Variants in PATJ observed in about 807,000 individuals in gnomAD.
The protein encoded by PATJ is inaD-like protein.
In PATJ, 190 loss-of-function variants were observed where a neutral mutation model predicts 224.9. The observed-to-expected ratio is 0.84, with a 90% CI of 0.75 to 0.95. The LOEUF is 0.95. Ranked by LOEUF, PATJ falls within the 40% of genes least tolerant of loss-of-function variation. The pLI is 0.00. For synonymous variants in PATJ, 769 were observed against 820.3 expected, an observed-to-expected ratio of 0.94 and a Z score of 1.07; for missense variants, 2,121 against 2,270.3, an observed-to-expected ratio of 0.93 and a Z score of 1.34.
At chr1:62,125,018 G>A (rs1191523509) in intron 39 of PATJ, among the ~76,000 whole-genome samples, 1 of 151,886 alleles carries the variant, frequency 6.6e-6, no homozygotes, top group Non-Finnish European at 1.5e-5. Flanking sequence ...CTGAGCCCAG[G>A]AGTTTGAGAC....
At chr1:62,144,777 A>AAAAAAAATATAT (rs377489788) in intron 41 of PATJ, among the ~76,000 whole-genome samples, 1 of 119,102 alleles carries the variant, frequency 8.4e-6, no homozygotes, top group East Asian at 3.5e-4. Flanking sequence ...AAAAAAAAAA[A>AAAAAAAATATAT]ATATATATAT....
At chr1:61,855,548 C>G (rs1294301508) in intron 17 of PATJ, among the ~76,000 whole-genome samples, 1 of 151,840 alleles carries the variant, frequency 6.6e-6, no homozygotes, top group Non-Finnish European at 1.5e-5. Flanking sequence ...CCTGGTAGTT[C>G]GGACTACAAA....
Position 61,990,279 on chromosome 1 carries a change from G to C in PATJ, c.3782G>C (p.Arg1261Pro). The C allele has an allele frequency of 6.2e-7, 1 of 1,613,952 alleles. No homozygotes were observed. Among genetic ancestry groups the C allele is most frequent in the Non-Finnish European group, 8.5e-7 (1 of 1,179,912 alleles). ...LSLAGNKDRS[R>P]MSIFVVGINP... The stretch of plus-strand genomic sequence containing the variant: ...CTTGCTGGTAATAAAGACCGATCAC[G>C]CATGAGCATATTTGTGGTGGGAATT... Residue 1261 changes from arginine to proline, a missense_variant, in exon 28 of 44, where the codon CGC becomes CCC. Coordinates refer to ENST00000642238, the MANE Select transcript of PATJ (RefSeq NM_001350145.3).
chr1:61,843,709 G>C (rs1661473359), intron 17 of PATJ, among the ~76,000 whole-genome samples: 1 of 139,020 alleles, frequency 7.2e-6, no homozygotes, highest in African/African-American at 2.8e-5. Flanking sequence ...GACAGAGTGA[G>C]ATCAGGTCTC....
chr1:61,944,291 A>G (rs1423122103), intron 27 of PATJ, among the ~76,000 whole-genome samples: 1 of 152,228 alleles, frequency 6.6e-6, no homozygotes, highest in South Asian at 2.1e-4. Flanking sequence ...CTAAAGGAGG[A>G]TGTTTGAACC....
chr1:61,931,687 C>T (rs1311985023), intron 27 of PATJ, among the ~76,000 whole-genome samples: 1 of 152,190 alleles, frequency 6.6e-6, no homozygotes, highest in Non-Finnish European at 1.5e-5. Context: ...TAGCTTGAGC[C>T]TGTGAGGTGG....
At chr1:61,910,692 A>G (rs1019369606) in intron 25 of PATJ, among the ~76,000 whole-genome samples, 1 of 151,666 alleles carries the variant, frequency 6.6e-6, no homozygotes, top group African/African-American at 2.4e-5. Context: ...GACCACAGGC[A>G]TGGATCACCA....
At chr1:61,760,757 T>G (rs1645923075) in intron 1 of PATJ, among the ~76,000 whole-genome samples, 1 of 151,072 alleles carries the variant, frequency 6.6e-6, no homozygotes, top group Admixed American at 6.6e-5. Flanking sequence ...GCTGGAATTA[T>G]GGGTGAGTGC....
At chr1:62,013,213 C>T (rs1646556115) in intron 28 of PATJ, 2 of 250,468 alleles carry the variant, frequency 8.0e-6, no homozygotes, top group Non-Finnish European at 1.3e-5. Context: ...ATAATAGTAC[C>T]ATAGATTCTA....
Position 62,121,202 on chromosome 1 carries a change from A to T in PATJ, c.4912A>T (p.Ser1638Cys). ...TCAGGGTAGTCAGCAGAGTGCACAC[A>T]GCAGCTGTCATCCCTCCTTCGCTCC... Reference protein sequence around the residue: ...NSQGSQQSAHSSCHPSFAPVI... With the variant: ...NSQGSQQSAHCSCHPSFAPVI... The change falls in exon 38 of 44, where the codon AGC becomes TGC. Residue 1638 changes from serine (S) to cysteine (C), a missense_variant. By Grantham distance (112) the Ser-to-Cys change is moderately radical. Coordinates refer to ENST00000642238, the MANE Select transcript of PATJ (RefSeq NM_001350145.3). 1 of 1,613,890 alleles carries T rather than the reference A, an allele frequency of 6.2e-7. No individual in the cohort carries two copies. Among genetic ancestry groups the T allele is most frequent in the Non-Finnish European group, 8.5e-7 (1 of 1,179,794 alleles).
chr1:62,132,588 A>G (rs1040336323), intron 41 of PATJ, among the ~76,000 whole-genome samples: 2 of 152,114 alleles, frequency 1.3e-5, no homozygotes, highest in African/African-American at 4.8e-5. Context: ...TAAATACTAT[A>G]GAATCATTTT....
intron 31 of PATJ, chr1:62,054,405 G>C (rs1654191690): frequency 4.9e-6 from 2 of 408,900 alleles, no homozygotes; most frequent in Non-Finnish European, 4.9e-6. Flanking sequence ...CTAAGCCGTG[G>C]CCTATGCATA....
chr1:61,932,888 G>A (rs1676241166), intron 27 of PATJ, among the ~76,000 whole-genome samples: 1 of 151,998 alleles, frequency 6.6e-6, no homozygotes, highest in Admixed American at 6.6e-5. Flanking sequence ...AACAGAGGAA[G>A]GCTCTGTCCG....
At chr1:62,077,685 CCA>C (rs1658540847) in intron 31 of PATJ, among the ~76,000 whole-genome samples, 1 of 66,372 alleles carries the variant, frequency 1.5e-5, no homozygotes. Flanking sequence ...GAGACCCTGT[CCA>C]AAAAAAAAAA....
At chr1:62,010,225 T>C (rs6678412) in intron 28 of PATJ, among the ~76,000 whole-genome samples, 1 of 151,960 alleles carries the variant, frequency 6.6e-6, no homozygotes, top group Non-Finnish European at 1.5e-5. Flanking sequence ...TAGTTCTCTG[T>C]CCATTTCCAC....
intron 4 of PATJ, 56 bp from the exon 5 acceptor site, chr1:61,769,227 G>A: frequency 6.4e-7 from 1 of 1,554,918 alleles, no homozygotes; most frequent in Non-Finnish European, 8.7e-7. Flanking sequence ...TCTGCAGACA[G>A]AGTATGTTGG....
rs150849788 is a variant in PATJ at position 61,915,992 on chromosome 1, G to A, written c.3570+1328G>A. On this transcript the variant is annotated intron_variant, in intron 26 of 43. Coordinates refer to ENST00000642238, the MANE Select transcript of PATJ (RefSeq NM_001350145.3). Reference sequence around the variant, plus strand: ...TTACAGGCATGAGCTGCTGCGCCTGGCCTATAATTTTCTTTAAAAAGATAC... The same window carrying A: ...TTACAGGCATGAGCTGCTGCGCCTGACCTATAATTTTCTTTAAAAAGATAC... Among the ~76,000 whole-genome samples the A allele has an allele frequency of 1.1e-3, 167 of 152,114 alleles. 2 individuals carry two copies. The highest frequency in any genetic ancestry group is 9.7e-3 in the Admixed American group (148 of 15,276).
chr1:61,745,632 C>G (rs1311603695), intron 1 of PATJ, among the ~76,000 whole-genome samples: 1 of 151,624 alleles, frequency 6.6e-6, no homozygotes, highest in Non-Finnish European at 1.5e-5. Context: ...GAGACGGAGT[C>G]TTGCTCTGTT....
intron 34 of PATJ, among the ~76,000 whole-genome samples, chr1:62,111,023 A>T (rs1181584966): frequency 6.6e-6 from 1 of 152,230 alleles, no homozygotes; most frequent in Non-Finnish European, 1.5e-5. Context: ...GTATCTCCTG[A>T]TTCTCAGAGG....
Sources: allele counts gnomAD v4.1 joint callset (sites outside exome capture counted in the v4.1 genomes callset), GRCh38; gene constraint gnomAD v4.1.1; transcripts MANE v1.5; gene names NCBI Gene and HGNC (gene_info 2026-07-23, HGNC 2026-07-21).